SDK2: variants seen among roughly 807,000 people sequenced by gnomAD.
The protein encoded by SDK2 is sidekick cell adhesion molecule 2.
Under a neutral mutation model 253.9 loss-of-function variants are expected in SDK2, and 105 were observed. The ratio of observed to expected loss-of-function variants is 0.41; its 90% confidence interval spans 0.35 to 0.49. The LOEUF (loss-of-function observed/expected upper bound fraction) is 0.49. SDK2 is among the 20% of genes least tolerant of loss of function. SDK2 has a pLI of 0.06. For synonymous variants in SDK2, 1,249 were observed against 1,234.9 expected (o/e 1.01, Z -0.24); for missense variants, 2,608 against 3,003.0 (o/e 0.87, Z 3.07).
chr17:73,608,343 G>A (rs1381769087), intron 1 of SDK2, among the ~76,000 whole-genome samples: 1 of 152,118 alleles, frequency 6.6e-6, no homozygotes, highest in African/African-American at 2.4e-5. Context: ...TCGTGTCAGG[G>A]TGCCTGCTGG....
intron 15 of SDK2, among the ~76,000 whole-genome samples, chr17:73,420,680 C>G (rs916598292): frequency 6.6e-6 from 1 of 150,972 alleles, no homozygotes; most frequent in Non-Finnish European, 1.5e-5. Flanking sequence ...TGGCCTTTTT[C>G]TTTTTTGTTT....
At chr17:73,341,230 CTTTT>C (rs11347151) in intron 44 of SDK2, among the ~76,000 whole-genome samples, 2 of 120,282 alleles carry the variant, frequency 1.7e-5, no homozygotes, top group Non-Finnish European at 3.6e-5. Context: ...TTATTCCTGA[CTTTT>C]TTTTTTTTTT....
At chr17:73,490,373 A>G (rs1013172519) in intron 2 of SDK2, among the ~76,000 whole-genome samples, 41 of 152,126 alleles carry the variant, frequency 2.7e-4, no homozygotes, top group Non-Finnish European at 1.5e-5. Flanking sequence ...GCTCTAAGGG[A>G]TGGTAGACAC....
chr17:73,350,450 G>A (rs959680519), intron 42 of SDK2, 75 bp from the exon 43 acceptor site: 1 of 1,536,298 alleles, frequency 6.5e-7, no homozygotes, highest in Non-Finnish European at 8.8e-7. Flanking sequence ...CACCTGGCTG[G>A]GTTATCCCCT....
chr17:73,596,621 A>G (rs1247152242), intron 1 of SDK2, among the ~76,000 whole-genome samples: 1 of 152,124 alleles, frequency 6.6e-6, no homozygotes, highest in Non-Finnish European at 1.5e-5. Flanking sequence ...ACCCACAGCC[A>G]ACCCCCTTCC....
intron 36 of SDK2, among the ~76,000 whole-genome samples, chr17:73,374,856 C>T (rs550945840): frequency 6.6e-6 from 1 of 152,162 alleles, no homozygotes; most frequent in Admixed American, 6.6e-5. Flanking sequence ...TCTGAGCCCC[C>T]TTCATGGCCC....
chr17:73,401,548 G>T, intron 20 of SDK2, 106 bp downstream of exon 20: 3 of 1,059,104 alleles, frequency 2.8e-6, no homozygotes, highest in Non-Finnish European at 1.4e-6. Flanking sequence ...GCATGGGTTG[G>T]CTTCAAGAGT....
chr17:73,499,025 C>T (rs114468491), intron 2 of SDK2, among the ~76,000 whole-genome samples: 12 of 152,322 alleles, frequency 7.9e-5, no homozygotes, highest in South Asian at 2.1e-4. Flanking sequence ...AACTGCTGCC[C>T]GTAAGAGCTT....
Position 73,497,429 on chromosome 17 carries a change from C to T in SDK2, c.224+10009G>A, listed in dbSNP as rs538685393. 2.6e-5 allele frequency among the ~76,000 whole-genome samples: 4 copies of T among 152,324 alleles called. No individual in the cohort carries two copies. In the South Asian group the frequency reaches 6.2e-4, roughly 24 times the overall value. ...TCATTCTCTCATCCTGCCATGTCAA[C>T]ACCAGTGAGTCCTAAATTAATATCT... On this transcript the variant is annotated intron_variant, in intron 2 of 44. Transcript: ENST00000392650.
chr17:73,340,721 T>C (rs540134501), intron 44 of SDK2, among the ~76,000 whole-genome samples: 6 of 133,516 alleles, frequency 4.5e-5, no homozygotes, highest in Middle Eastern at 4.2e-3. Context: ...TTTCATGTAA[T>C]GAAAACCTTA....
At chr17:73,565,982 C>T (rs1330360682) in intron 1 of SDK2, among the ~76,000 whole-genome samples, 1 of 152,158 alleles carries the variant, frequency 6.6e-6, no homozygotes, top group Non-Finnish European at 1.5e-5. Flanking sequence ...TGCCACCACA[C>T]CCAGCTAATT....
chr17:73,490,464 C>T (rs1003224831), intron 2 of SDK2, among the ~76,000 whole-genome samples: 14 of 151,082 alleles, frequency 9.3e-5, no homozygotes, highest in African/African-American at 3.4e-4. Flanking sequence ...TCTGTGCCTC[C>T]ATTTCCTTAT....
intron 1 of SDK2, among the ~76,000 whole-genome samples, chr17:73,607,369 G>C (rs1449130515): frequency 6.6e-6 from 1 of 150,660 alleles, no homozygotes; most frequent in Admixed American, 6.6e-5. Context: ...AGGCCCACAC[G>C]CACTCATTTC....
chr17:73,489,810 C>T (rs1025565007), intron 2 of SDK2, among the ~76,000 whole-genome samples: 4 of 152,216 alleles, frequency 2.6e-5, no homozygotes, highest in East Asian at 1.9e-4. Context: ...TTATGCCCAC[C>T]GCTATATCAT....
chr17:73,638,030 G>C (rs1357945271), intron 1 of SDK2, among the ~76,000 whole-genome samples: 1 of 152,222 alleles, frequency 6.6e-6, no homozygotes, highest in Non-Finnish European at 1.5e-5. Flanking sequence ...CTGGAGGGCG[G>C]GGCCCCCACT....
chr17:73,421,851 G>A (rs982559417), intron 15 of SDK2, among the ~76,000 whole-genome samples: 6 of 152,064 alleles, frequency 3.9e-5, no homozygotes, highest in South Asian at 4.1e-4. Context: ...GTGAGCCACC[G>A]TGCCCAGCAA....
At chr17:73,386,343 C>T in intron 31 of SDK2, 102 bp downstream of exon 31, 1 of 863,482 alleles carries the variant, frequency 1.2e-6, no homozygotes, top group African/African-American at 1.7e-5. Flanking sequence ...GGGTCCCACG[C>T]CTCTCTCATC....
chr17:73,563,021 G>A (rs1023511347), intron 1 of SDK2, among the ~76,000 whole-genome samples: 3 of 152,198 alleles, frequency 2.0e-5, no homozygotes, highest in Non-Finnish European at 4.4e-5. Flanking sequence ...GAAGGCAGGG[G>A]AGGGGAAGGA....
intron 1 of SDK2, among the ~76,000 whole-genome samples, chr17:73,605,674 G>A (rs951809482): frequency 2.0e-5 from 3 of 152,138 alleles, no homozygotes; most frequent in African/African-American, 4.8e-5. Context: ...CTCCAAATTC[G>A]GGCAATACCC....
Sources: allele counts gnomAD v4.1 joint callset (sites outside exome capture counted in the v4.1 genomes callset), GRCh38; gene constraint gnomAD v4.1.1; transcripts MANE v1.5; gene names NCBI Gene and HGNC (gene_info 2026-07-23, HGNC 2026-07-21).